Variants in GREB1 observed in about 807,000 individuals in gnomAD.
The protein encoded by GREB1 is growth regulating estrogen receptor binding 1, also known as protein GREB1.
Under a neutral mutation model 200.7 loss-of-function variants are expected in GREB1, and 106 were observed. The observed-to-expected ratio is 0.53, with a 90% CI of 0.45 to 0.62. The LOEUF (loss-of-function observed/expected upper bound fraction) is 0.62, where lower values mean the gene tolerates loss of function less well. Ranked by LOEUF, GREB1 falls within the 20% of genes least tolerant of loss-of-function variation. The pLI, the probability that GREB1 is intolerant of heterozygous loss-of-function variation, is 0.00. For synonymous variants in GREB1, 1,132 were observed against 1,092.4 expected, an observed-to-expected ratio of 1.04 and a Z score of -0.72; for missense variants, 2,243 against 2,556.8, an observed-to-expected ratio of 0.88 and a Z score of 2.65.
chr2:11,612,551 G>C lies in GREB1; in HGVS notation c.3063G>C (p.Glu1021Asp). The C allele has an allele frequency of 6.2e-7, 1 of 1,613,172 alleles. No individual in the cohort carries two copies. The highest frequency in any genetic ancestry group is 8.5e-7 in the Non-Finnish European group (1 of 1,179,886). ...GACCCCAGACTTACTTGGAGCTGGA[G>C]GGTCTGCCTTGCATCCTGATCTTCA... Reference protein sequence around the residue: ...EWRPQTYLELEGLPCILIFSG... With the variant: ...EWRPQTYLELDGLPCILIFSG... The change falls in exon 19 of 33, where the codon GAG becomes GAC. Residue 1021 changes from glutamate (E) to aspartate (D), a missense_variant. Around this residue, in one of 3 missense-constraint regions of GREB1, gnomAD observed 1,178 missense variants for 1,387.4 expected, o/e 0.85. Transcript: ENST00000381486.
chr2:11,587,378 G>A, intron 9 of GREB1: 1 of 1,607,098 alleles, frequency 6.2e-7, no homozygotes, highest in Non-Finnish European at 8.5e-7. Flanking sequence ...CTTGCCCACT[G>A]CAGTATTTGT....
chr2:11,559,983 C>T (rs1558544497), intron 2 of GREB1, among the ~76,000 whole-genome samples: 1 of 152,224 alleles, frequency 6.6e-6, no homozygotes, highest in Non-Finnish European at 1.5e-5. Flanking sequence ...TCAGCTTCTT[C>T]TGCCTCTTGT....
At chr2:11,511,261 T>A (rs989748384) in intron 1 of GREB1, among the ~76,000 whole-genome samples, 1 of 152,156 alleles carries the variant, frequency 6.6e-6, no homozygotes, top group Non-Finnish European at 1.5e-5. Flanking sequence ...GTCATAGTTT[T>A]TCGGGTGCTA....
intron 15 of GREB1, among the ~76,000 whole-genome samples, chr2:11,599,423 T>G (rs949961857): frequency 8.7e-5 from 13 of 150,132 alleles, no homozygotes; most frequent in African/African-American, 3.0e-4. Context: ...CACTGCAGGC[T>G]CAGCCTCCTG....
In GREB1 at chr2:11,610,861, G is replaced by T; in HGVS notation, c.2840G>T (p.Gly947Val). Residue 947 changes from glycine (G) to valine (V), a missense_variant, in exon 18 of 33, where the codon GGG (glycine) becomes GTG (valine). Around this residue, in one of 3 missense-constraint regions of GREB1, gnomAD observed 1,178 missense variants for 1,387.4 expected, o/e 0.85. Coordinates refer to ENST00000381486, the MANE Select transcript of GREB1 (RefSeq NM_014668.4). The stretch of plus-strand genomic sequence containing the variant: ...CCGAAGCAGTGCCCCTGCGGCCACG[G>T]GCTCATGGTCCTGCTGCGGGTGCCC... ...NSPKQCPCGH[G>V]LMVLLRVPCS... The T allele has an allele frequency of 6.2e-7, 1 of 1,613,306 alleles. No homozygotes were observed. Among genetic ancestry groups the T allele is most frequent in the Non-Finnish European group, 8.5e-7 (1 of 1,179,890 alleles).
chr2:11,537,860 A>G (rs1183612315), intron 1 of GREB1, among the ~76,000 whole-genome samples: 1 of 151,642 alleles, frequency 6.6e-6, no homozygotes, highest in African/African-American at 2.4e-5. Context: ...GGATCTACCT[A>G]TCTTTCTATA....
intron 4 of GREB1, among the ~76,000 whole-genome samples, chr2:11,573,146 T>C (rs117880621): frequency 6.6e-6 from 1 of 152,220 alleles, no homozygotes; most frequent in East Asian, 1.9e-4. Context: ...TTATGCACAC[T>C]CCCTTGCAGG....
Position 11,637,708 on chromosome 2 carries a change from C to G in GREB1, c.5347-8C>G. On this transcript the variant is annotated splice_polypyrimidine_tract_variant and splice_region_variant and intron_variant, in intron 30 of 32. Coordinates refer to ENST00000381486, the MANE Select transcript of GREB1 (RefSeq NM_014668.4). ...CAGTAGTGGCCTGACACCCCCCTTC[C>G]CGTGCAGGTGTCTGATAACTCTGCC... 6.2e-7 allele frequency: 1 copy of G among 1,611,940 alleles called. No individual in the cohort carries two copies. Among genetic ancestry groups the G allele is most frequent in the Non-Finnish European group, 8.5e-7 (1 of 1,179,616 alleles).
At chr2:11,598,354 C>G (rs1487210349) in intron 14 of GREB1, among the ~76,000 whole-genome samples, 1 of 152,248 alleles carries the variant, frequency 6.6e-6, no homozygotes, top group African/African-American at 2.4e-5. Context: ...CTGTGGCATT[C>G]AGACTGAGAG....
Position 11,620,912 on chromosome 2 carries a change from A to C in GREB1, c.4052A>C (p.Lys1351Thr). 6.2e-7 allele frequency: 1 copy of C among 1,605,260 alleles called. No individual in the cohort carries two copies. ...ACTCCTATACCTTTACAGATCGGGAAGACAGGTGCCTACCTGCAGTTCCTC... is the reference window on the plus strand; with the variant it reads ...ACTCCTATACCTTTACAGATCGGGACGACAGGTGCCTACCTGCAGTTCCTC... ...LLLSGPPQIG[K>T]TGAYLQFLSV... The change falls in exon 23 of 33, where the codon AAG (lysine) becomes ACG (threonine). Residue 1351 changes from lysine (K) to threonine (T), a missense_variant. Transcript: ENST00000381486.
rs144857743 is a variant in GREB1, at chr2:11,578,375, C to T, written c.716C>T (p.Pro239Leu). ...FPALESTAAFPSEPVPGTNPS... is the reference protein window; with the variant it reads ...FPALESTAAFLSEPVPGTNPS... Reference sequence around the variant, plus strand: ...GCCCTGGAGAGCACGGCTGCCTTCCCCAGCGAGCCCGTTCCTGGGACGAAC... The same window carrying T: ...GCCCTGGAGAGCACGGCTGCCTTCCTCAGCGAGCCCGTTCCTGGGACGAAC... Residue 239 changes from proline to leucine, a missense_variant, in exon 6 of 33, where the codon CCC becomes CTC. Around this residue, in one of 3 missense-constraint regions of GREB1, gnomAD observed 1,178 missense variants for 1,387.4 expected, o/e 0.85. Coordinates refer to ENST00000381486, the MANE Select transcript of GREB1 (RefSeq NM_014668.4). 6.8e-6 allele frequency: 11 copies of T among 1,613,974 alleles called. No homozygotes were observed. Among genetic ancestry groups the T allele is most frequent in the Middle Eastern group, 1.6e-4 (1 of 6,084 alleles).
intron 1 of GREB1, among the ~76,000 whole-genome samples, chr2:11,512,504 G>A (rs1673379285): frequency 6.6e-6 from 1 of 152,222 alleles, no homozygotes; most frequent in Non-Finnish European, 1.5e-5. Context: ...TTGAAGCAAG[G>A]GGAAACGTGT....
intron 6 of GREB1, among the ~76,000 whole-genome samples, chr2:11,579,097 A>G (rs1679197610): frequency 6.6e-6 from 1 of 152,198 alleles, no homozygotes. Flanking sequence ...GGTTGTTTTC[A>G]TGCCTCCTGC....
intron 10 of GREB1, among the ~76,000 whole-genome samples, chr2:11,591,223 G>A (rs1680695974): frequency 6.6e-6 from 1 of 152,200 alleles, no homozygotes; most frequent in African/African-American, 2.4e-5. Context: ...ATCAAAGAGG[G>A]AGATATAAGC....
Position 11,585,251 on chromosome 2 carries a change from G to A in GREB1, c.992G>A (p.Gly331Asp), listed in dbSNP as rs1435193197. ...PSAPDGGCPQ[G>D]GGNRAKYESA... ...GCTCCAGATGGTGGCTGCCCCCAAG[G>A]TGGTGGGAACAGAGCTAAGTATGGT... The change falls in exon 8 of 33, where the codon GGT (glycine) becomes GAT (aspartate). Residue 331 changes from glycine to aspartate, a missense_variant. Gly to Asp is a moderately conservative substitution (Grantham distance 94). Transcript: ENST00000381486. 2.6e-6 allele frequency: 4 copies of A among 1,567,520 alleles called. No individual in the cohort carries two copies. The highest frequency in any genetic ancestry group is 4.5e-5 in the East Asian group (2 of 44,046).
chr2:11,490,081 T>A (rs1301038676), intron 1 of GREB1, among the ~76,000 whole-genome samples: 1 of 151,846 alleles, frequency 6.6e-6, no homozygotes, highest in East Asian at 1.9e-4. Context: ...CTACAAAAGT[T>A]ACCTTTTTAG....
intron 30 of GREB1, among the ~76,000 whole-genome samples, chr2:11,637,142 G>A (rs924376498): frequency 1.3e-5 from 2 of 151,704 alleles, no homozygotes; most frequent in African/African-American, 4.8e-5. Flanking sequence ...GGGTAGGAGC[G>A]AGGAGGTCGG....
At chr2:11,533,856 A>G (rs1404482883), upstream of GREB1, among the ~76,000 whole-genome samples, 2 of 152,258 alleles carry the variant, frequency 1.3e-5, no homozygotes, top group Non-Finnish European at 2.9e-5. Flanking sequence ...ATGTAAACAC[A>G]TAATCAATTC....
At chr2:11,537,587 C>G (rs1674350176) in intron 1 of GREB1, among the ~76,000 whole-genome samples, 1 of 149,754 alleles carries the variant, frequency 6.7e-6, no homozygotes, top group African/African-American at 2.4e-5. Flanking sequence ...CTTAAACTCT[C>G]TTCCCTTCTC....
Sources: gnomAD v4.1 joint callset for allele counts (sites outside exome capture counted in the v4.1 genomes callset) on GRCh38, gnomAD v4.1.1 for gene constraint, gnomAD v4.1.1 regional missense constraint, MANE v1.5 for transcripts, NCBI Gene and HGNC (gene_info 2026-07-23, HGNC 2026-07-21) for gene names.